The following NRXN3 variants were observed in gnomAD, a reference collection of about 807,000 sequenced individuals.
NRXN3 encodes neurexin 3, also known as neurexin III.
NRXN3 carries 32 observed loss-of-function variants against 137.6 expected under a neutral mutation model. That is an observed-to-expected ratio of 0.23 (90% CI 0.18 to 0.31). The LOEUF (loss-of-function observed/expected upper bound fraction) is 0.31, where lower values mean the gene tolerates loss of function less well. NRXN3 is among the 10% of genes least tolerant of loss of function. The probability of loss-of-function intolerance (pLI) is 1.00; values close to 1 mark genes in which losing one functional copy is unlikely to be tolerated. For missense variants in NRXN3, 1,574 were observed against 2,062.5 expected, an observed-to-expected ratio of 0.76 and a Z score of 4.59; for synonymous variants, 798 against 784.5, an observed-to-expected ratio of 1.02 and a Z score of -0.29.
chr14:79,785,556 T>C (rs1054126075), intron 19 of NRXN3, among the ~76,000 whole-genome samples: 17 of 152,204 alleles, frequency 1.1e-4, no homozygotes, highest in African/African-American at 4.1e-4. Context: ...CCCCATGAAT[T>C]CCTCTGACAT....
chr14:78,957,757 C>G (rs961189005), intron 11 of NRXN3, among the ~76,000 whole-genome samples: 1 of 152,092 alleles, frequency 6.6e-6, no homozygotes, highest in Non-Finnish European at 1.5e-5. Context: ...GATGGGCAAA[C>G]CAGAAATTCA....
intron 10 of NRXN3, among the ~76,000 whole-genome samples, chr14:78,899,625 C>G (rs1288011030): frequency 2.0e-5 from 3 of 151,936 alleles, no homozygotes; most frequent in Non-Finnish European, 1.5e-5. Context: ...AATATACATT[C>G]TTTACAGAAT....
intron 15 of NRXN3, among the ~76,000 whole-genome samples, chr14:79,226,778 A>G (rs943606352): frequency 3.6e-5 from 5 of 138,462 alleles, no homozygotes; most frequent in African/African-American, 5.4e-5. Flanking sequence ...TTTCAGCTAT[A>G]TTTTGGCTTT....
intron 19 of NRXN3, among the ~76,000 whole-genome samples, chr14:79,775,914 C>T (rs1403233001): frequency 6.6e-6 from 1 of 152,142 alleles, no homozygotes. Context: ...ATAACTTGTC[C>T]TAGAACTGGT....
intron 16 of NRXN3, among the ~76,000 whole-genome samples, chr14:79,497,484 C>G (rs2096778650): frequency 1.3e-5 from 2 of 152,078 alleles, no homozygotes; most frequent in Admixed American, 1.3e-4. Context: ...ATCTGCCTTT[C>G]TTCCTTATCC....
intron 15 of NRXN3, among the ~76,000 whole-genome samples, chr14:79,048,623 C>CT (rs56880456): frequency 1.6e-4 from 24 of 146,804 alleles, no homozygotes; most frequent in African/African-American, 5.7e-4. Context: ...TTCAGTGAGT[C>CT]TTTTTTTTTT....
chr14:78,390,913 C>G (rs1260329092), intron 4 of NRXN3, among the ~76,000 whole-genome samples: 5 of 152,138 alleles, frequency 3.3e-5, no homozygotes, highest in African/African-American at 1.2e-4. Flanking sequence ...TGCATTAGCT[C>G]TTTTCCCTAA....
intron 1 of NRXN3, among the ~76,000 whole-genome samples, chr14:78,238,538 C>T (rs945877353): frequency 7.2e-5 from 11 of 152,120 alleles, no homozygotes; most frequent in Admixed American, 1.3e-4. Flanking sequence ...TGGAGGCCTG[C>T]GATATTTAGT....
chr14:78,473,925 G>A (rs951337265), intron 4 of NRXN3, among the ~76,000 whole-genome samples: 5 of 152,144 alleles, frequency 3.3e-5, no homozygotes, highest in Admixed American at 3.3e-4. Flanking sequence ...AAACGTGTAA[G>A]TGTCAGTGTC....
At chr14:79,803,818 G>A (rs2099191211) in intron 19 of NRXN3, among the ~76,000 whole-genome samples, 2 of 151,520 alleles carry the variant, frequency 1.3e-5, no homozygotes, top group East Asian at 1.9e-4. Context: ...ATTCTAATTA[G>A]TCATGTAATA....
At chr14:78,840,179 A>T (rs985318386) in intron 10 of NRXN3, among the ~76,000 whole-genome samples, 1 of 152,198 alleles carries the variant, frequency 6.6e-6, no homozygotes, top group Admixed American at 6.5e-5. Context: ...AGAGATTATC[A>T]TGAAGATGGT....
chr14:79,488,930 T>C (rs187944387), intron 16 of NRXN3, among the ~76,000 whole-genome samples: 40 of 152,256 alleles, frequency 2.6e-4, no homozygotes, highest in Admixed American at 1.2e-3. Flanking sequence ...TAGCTCTATC[T>C]TTTTTCCTCC....
intron 4 of NRXN3, among the ~76,000 whole-genome samples, chr14:78,591,930 G>A (rs1437447482): frequency 6.6e-6 from 1 of 152,228 alleles, no homozygotes; most frequent in East Asian, 1.9e-4. Flanking sequence ...TACCCTTCCT[G>A]TGTAGGAAGC....
chr14:79,180,510 T>C (rs1299897446), intron 15 of NRXN3, among the ~76,000 whole-genome samples: 1 of 152,218 alleles, frequency 6.6e-6, no homozygotes, highest in Middle Eastern at 3.2e-3. Flanking sequence ...GAGTGATACT[T>C]TGCTGAATAA....
At chr14:78,924,741 C>T (rs1463916043) in intron 10 of NRXN3, among the ~76,000 whole-genome samples, 1 of 152,100 alleles carries the variant, frequency 6.6e-6, no homozygotes, top group African/African-American at 2.4e-5. Flanking sequence ...AGTTTTCAGG[C>T]TAGAGAACAG....
At chr14:78,678,357 T>G (rs1298055852) in intron 6 of NRXN3, among the ~76,000 whole-genome samples, 1 of 151,932 alleles carries the variant, frequency 6.6e-6, no homozygotes, top group Non-Finnish European at 1.5e-5. Flanking sequence ...TTCACTGTGT[T>G]GCCCAGGCTA....
At chr14:79,616,837 T>C (rs546531163) in intron 16 of NRXN3, among the ~76,000 whole-genome samples, 1 of 152,302 alleles carries the variant, frequency 6.6e-6, no homozygotes, top group African/African-American at 2.4e-5. Flanking sequence ...GAACTCCTTC[T>C]TTCATAGATG....
intron 4 of NRXN3, among the ~76,000 whole-genome samples, chr14:78,345,129 CTG>C (rs2082571201): frequency 6.6e-6 from 1 of 152,100 alleles, no homozygotes; most frequent in Admixed American, 6.6e-5. Flanking sequence ...ATGTGTGTGC[CTG>C]TGTGTGGGTA....
intron 20 of NRXN3, among the ~76,000 whole-genome samples, chr14:79,827,126 G>C (rs900099493): frequency 6.6e-6 from 1 of 152,176 alleles, no homozygotes; most frequent in African/African-American, 2.4e-5. Flanking sequence ...CCTAGTGGGG[G>C]ACACTGTCAT....
Sources: allele counts gnomAD v4.1 joint callset (sites outside exome capture counted in the v4.1 genomes callset), GRCh38; gene constraint gnomAD v4.1.1; transcripts MANE v1.5; gene names NCBI Gene and HGNC (gene_info 2026-07-23, HGNC 2026-07-21).